TTLL12: variants seen among roughly 807,000 people sequenced by gnomAD.
TTLL12 encodes tubulin--tyrosine ligase-like protein 12.
TTLL12 carries 77 observed loss-of-function variants against 79.6 expected under a neutral mutation model. That is an observed-to-expected ratio of 0.97 (90% CI 0.81 to 1.17). The LOEUF (loss-of-function observed/expected upper bound fraction) is 1.17, where lower values mean the gene tolerates loss of function less well. Among genes scored for constraint, TTLL12 ranks in the 50% most tolerant of loss-of-function variants. The pLI is 0.00. For synonymous variants in TTLL12, 437 were observed against 376.1 expected (o/e 1.16, Z -1.87); for missense variants, 969 against 895.9 (o/e 1.08, Z -1.04).
intron 3 of TTLL12, 68 bp downstream of exon 3, chr22:43,180,674 G>T: frequency 6.5e-7 from 1 of 1,548,580 alleles, no homozygotes; most frequent in Non-Finnish European, 8.8e-7. Context: ...CGGCCTGATG[G>T]CACAGGGCAG....
intron 8 of TTLL12, 84 bp from the exon 9 acceptor site, chr22:43,173,910 G>T: frequency 7.8e-7 from 1 of 1,286,844 alleles, no homozygotes; most frequent in South Asian, 1.3e-5. Flanking sequence ...GGCAGAAGAG[G>T]GCAGCCCACT....
Position 43,187,023 on chromosome 22 carries a change from C to A in TTLL12, c.47G>T (p.Ser16Ile). The change falls in exon 1 of 14, where the codon AGC becomes ATC. Residue 16 changes from serine (S) to isoleucine (I), a missense_variant. Physicochemically the swap from Ser to Ile is moderately radical, Grantham distance 142 (BLOSUM62 -2). Transcript: ENST00000216129. ...GPERRPAERS[S>I]PGQTPEEGAQ... is the part of the protein sequence containing the mutation. ...GCCCTCCTCCGGCGTCTGGCCCGGGCTGCTACGCTCCGCAGGCCGGCGCTC... is the reference window on the plus strand; with the variant it reads ...GCCCTCCTCCGGCGTCTGGCCCGGGATGCTACGCTCCGCAGGCCGGCGCTC... The A allele has an allele frequency of 1.6e-6, 2 of 1,224,688 alleles. No individual in the cohort carries two copies. Among genetic ancestry groups the A allele is most frequent in the Non-Finnish European group, 2.0e-6 (2 of 980,526 alleles). The allele number at this position is 1,224,688 out of a possible 1,614,324, so 75.9% of individuals were successfully genotyped here. A position where few individuals can be genotyped will look rare whatever the true frequency, so the allele number is the denominator to read the frequency against.
At chr22:43,178,740 C>T (rs1324394819) in intron 5 of TTLL12, among the ~76,000 whole-genome samples, 1 of 152,262 alleles carries the variant, frequency 6.6e-6, no homozygotes, top group Non-Finnish European at 1.5e-5. Flanking sequence ...GGCAAGCCTG[C>T]AGCCTCAGCT....
rs1931998482 is a variant in TTLL12 at position 43,179,562 on chromosome 22, G to A, written c.840+57C>T. On this transcript the variant is annotated intron_variant, in intron 5 of 13. Transcript: ENST00000216129. ...TTTGATAACATTTGGTGTGTGCACAGAGAACATTCTGGAAGCTACCAAGCA... is the reference window on the plus strand; with the variant it reads ...TTTGATAACATTTGGTGTGTGCACAAAGAACATTCTGGAAGCTACCAAGCA... The A allele has an allele frequency of 2.7e-6, 4 of 1,505,914 alleles. No individual in the cohort carries two copies. The South Asian group carries it at 5.2e-5, about 20-fold the overall frequency. The allele number at this position is 1,505,914 out of a possible 1,614,324, so 93.3% of individuals were successfully genotyped here.
intron 11 of TTLL12, among the ~76,000 whole-genome samples, chr22:43,170,670 G>A (rs560495647): frequency 4.5e-4 from 69 of 152,320 alleles, no homozygotes; most frequent in African/African-American, 1.5e-3. Flanking sequence ...CAGCACTTTA[G>A]GAGGCTGAGG....
chr22:43,168,671 C>A, intron 13 of TTLL12, 103 bp downstream of exon 13: 1 of 1,482,742 alleles, frequency 6.7e-7, no homozygotes, highest in Non-Finnish European at 9.1e-7. Context: ...CTGATTCAAG[C>A]CAGAGGACAG....
At chr22:43,169,063 G>A (rs1292674200) in intron 12 of TTLL12, 151 bp from the exon 13 acceptor site, 7 of 1,023,840 alleles carry the variant, frequency 6.8e-6, no homozygotes, top group Admixed American at 5.8e-5. Context: ...GGCCACCTCC[G>A]CCCAGCACCT....
Position 43,176,396 on chromosome 22 carries a change from C to T in TTLL12, c.841G>A (p.Ala281Thr), listed in dbSNP as rs202216754. ...TPEPPAEHYQ[A>T]ILEENKEKLP... ...TTCTCCTTGTTTTCCTCCAGAATGG[C>T]CTAAAAGGAAACACACCGGAAGTAG... The change falls in exon 6 of 14, where the codon GCC becomes ACC. Residue 281 changes from alanine (A) to threonine (T), a missense_variant and splice_region_variant. Transcript: ENST00000216129. 313 of 1,604,144 alleles carry T rather than the reference C, an allele frequency of 2.0e-4. No homozygotes were observed. The highest frequency in any genetic ancestry group is 2.5e-4 in the Non-Finnish European group (293 of 1,176,518).
intron 6 of TTLL12, 55 bp downstream of exon 6, chr22:43,176,265 G>A: frequency 7.7e-7 from 1 of 1,303,846 alleles, no homozygotes; most frequent in Non-Finnish European, 1.1e-6. Flanking sequence ...ACGAAGCATG[G>A]GAGGCGGGGA....
chr22:43,179,218 T>C (rs182744985), intron 5 of TTLL12, among the ~76,000 whole-genome samples: 106 of 152,150 alleles, frequency 7.0e-4, no homozygotes, highest in African/African-American at 2.4e-3. Flanking sequence ...ACAGTGACCA[T>C]GATGGTAACT....
intron 5 of TTLL12, 129 bp downstream of exon 5, chr22:43,179,490 C>G: frequency 7.5e-7 from 1 of 1,325,266 alleles, no homozygotes; most frequent in South Asian, 1.7e-5. Context: ...TCCCAAAACT[C>G]TATGCCTCCC....
At position 43,174,196 on chromosome 22, in the gene TTLL12, G is replaced by C. The variant is rs751171427; in HGVS notation, c.1229+13C>G. On this transcript the variant is annotated intron_variant, in intron 8 of 13. Transcript: ENST00000216129. ...GGGCCATGGAGCACACCGATGCCGT[G>C]TCTGGGACTTACCACCTTTCCCGCT... The C allele has an allele frequency of 1.9e-6, 3 of 1,599,254 alleles. No homozygotes were observed. Among genetic ancestry groups the C allele is most frequent in the African/African-American group, 2.7e-5 (2 of 74,918 alleles).
At chr22:43,180,602 T>C (rs1932030597) in intron 3 of TTLL12, 140 bp downstream of exon 3, 8 of 980,226 alleles carry the variant, frequency 8.2e-6, no homozygotes, top group African/African-American at 1.6e-5. Flanking sequence ...GTCCCCAGGA[T>C]AGCACTCTCC....
chr22:43,179,581 C>T (rs1569486035), intron 5 of TTLL12, 38 bp downstream of exon 5: 1 of 1,523,252 alleles, frequency 6.6e-7, no homozygotes, highest in Non-Finnish European at 8.8e-7. Context: ...CTGGAAGCTA[C>T]CAAGCAGACA....
intron 6 of TTLL12, among the ~76,000 whole-genome samples, chr22:43,175,009 C>T (rs1029757268): frequency 2.0e-5 from 3 of 152,274 alleles, no homozygotes; most frequent in Non-Finnish European, 2.9e-5. Flanking sequence ...GAGGCCTCTG[C>T]CCCAGAGGAG....
At chr22:43,172,375 C>A in intron 10 of TTLL12, 28 bp downstream of exon 10, 1 of 1,612,490 alleles carries the variant, frequency 6.2e-7, no homozygotes, top group Non-Finnish European at 8.5e-7. Context: ...AGCTCCCCGA[C>A]CCTGGACCCA....
rs1931999717 is a variant in TTLL12 at position 43,179,603 on chromosome 22, T to TGGAG, written c.840+12_840+15dup. On this transcript the variant is annotated intron_variant, in intron 5 of 13. Coordinates refer to ENST00000216129, the MANE Select transcript of TTLL12 (RefSeq NM_015140.4). Reference sequence around the variant, plus strand: ...CTACCAAGCAGACAGGCCTGGTGGGTGGAGGAGGGCTGCACCTGGTAGTGC... The same window carrying TGGAG: ...CTACCAAGCAGACAGGCCTGGTGGGTGGAGGGAGGAGGGCTGCACCTGGTAGTGC... 3.8e-6 allele frequency: 6 copies of TGGAG among 1,559,160 alleles called. No homozygotes were observed. The East Asian group carries it at 1.4e-4, about 36-fold the overall frequency.
chr22:43,170,576 C>T (rs1245291102), intron 11 of TTLL12, among the ~76,000 whole-genome samples: 1 of 152,224 alleles, frequency 6.6e-6, no homozygotes, highest in East Asian at 1.9e-4. Flanking sequence ...ACAAAGCAAG[C>T]TGCAGAAGGA....
chr22:43,181,549 C>T (rs1331296998), intron 2 of TTLL12, among the ~76,000 whole-genome samples: 1 of 152,236 alleles, frequency 6.6e-6, no homozygotes, highest in Non-Finnish European at 1.5e-5. Flanking sequence ...TGCAGCTGAG[C>T]TGCTACAGAA....
Sources: allele counts gnomAD v4.1 joint callset (sites outside exome capture counted in the v4.1 genomes callset), GRCh38; gene constraint gnomAD v4.1.1; transcripts MANE v1.5; gene names NCBI Gene and HGNC (gene_info 2026-07-23, HGNC 2026-07-21).